The following CTNNA2 variants were observed in gnomAD, a reference collection of about 807,000 sequenced individuals.
The protein encoded by CTNNA2 is catenin alpha-2.
CTNNA2 carries 42 observed loss-of-function variants against 101.0 expected under a neutral mutation model. The observed-to-expected ratio is 0.42, with a 90% CI of 0.32 to 0.54. CTNNA2 has a LOEUF of 0.54. Among genes scored for constraint, CTNNA2 ranks in the 20% least tolerant of loss-of-function variants. The pLI is 0.14. For synonymous variants in CTNNA2, 450 were observed against 456.4 expected, an observed-to-expected ratio of 0.99 and a Z score of 0.18; for missense variants, 871 against 1,223.1, an observed-to-expected ratio of 0.71 and a Z score of 4.29.
At chr2:79,983,738 AT>A (rs1218603971) in intron 7 of CTNNA2, among the ~76,000 whole-genome samples, 1 of 152,220 alleles carries the variant, frequency 6.6e-6, no homozygotes, top group Admixed American at 6.5e-5. Flanking sequence ...AAACTTGAAA[AT>A]AAAAGATTTT....
At chr2:79,932,205 C>A (rs1687494422) in intron 7 of CTNNA2, among the ~76,000 whole-genome samples, 1 of 152,138 alleles carries the variant, frequency 6.6e-6, no homozygotes, top group South Asian at 2.1e-4. Flanking sequence ...GCCCTTCCTC[C>A]CCACACTCTA....
intron 7 of CTNNA2, among the ~76,000 whole-genome samples, chr2:80,377,471 G>C (rs1030373887): frequency 3.3e-5 from 5 of 152,204 alleles, no homozygotes; most frequent in African/African-American, 1.2e-4. Context: ...CTGAGATTCA[G>C]TGAGTTTAGG....
At chr2:80,008,320 T>G (rs1693523100) in intron 7 of CTNNA2, among the ~76,000 whole-genome samples, 1 of 152,176 alleles carries the variant, frequency 6.6e-6, no homozygotes, top group East Asian at 1.9e-4. Context: ...TAAGGAGGAT[T>G]TGGGAGGGAG....
In CTNNA2 at chr2:80,555,722, T is replaced by A; in HGVS notation, c.1570T>A (p.Cys524Ser). 6.4e-7 allele frequency: 1 copy of A among 1,566,094 alleles called. No individual in the cohort carries two copies. Among genetic ancestry groups the A allele is most frequent in the Non-Finnish European group, 8.7e-7 (1 of 1,155,766 alleles). Residue 524 changes from cysteine to serine, a missense_variant, in exon 12 of 19, where the codon TGT becomes AGT. Around this residue, in one of 5 missense-constraint regions of CTNNA2, gnomAD observed 647 missense variants for 831.5 expected, o/e 0.78. Transcript: ENST00000402739. The part of the protein sequence containing the change: ...ENHILEDVNK[C>S]VIALQEGDVD... ...TCACATCTTGGAGGATGTGAACAAG[T>A]GTGTGATAGCCCTCCAAGAGGGCGA...
chr2:80,393,228 A>G lies in CTNNA2; in HGVS notation c.1074A>G (p.Lys358=). Residue 358 remains lysine, a synonymous_variant, in exon 8 of 19, where the codon AAA becomes AAG. Transcript: ENST00000402739. Reference sequence around the variant, plus strand: ...CTTAATAGACTGGAAGGAAAGAAAAAGGAGATCCTCTCAACATTGCGATTG... The same window carrying G: ...CTTAATAGACTGGAAGGAAAGAAAAGGGAGATCCTCTCAACATTGCGATTG... ...EYMNNTGRKE[K]GDPLNIAIDK... is the part of the protein sequence containing the mutation. 6.2e-7 allele frequency: 1 copy of G among 1,608,890 alleles called. No homozygotes were observed. The highest frequency in any genetic ancestry group is 8.5e-7 in the Non-Finnish European group (1 of 1,177,458).
intron 4 of CTNNA2, among the ~76,000 whole-genome samples, chr2:79,478,793 G>A (rs1212103170): frequency 2.0e-5 from 3 of 151,972 alleles, no homozygotes; most frequent in Non-Finnish European, 2.9e-5. Flanking sequence ...TCTCCCTTAC[G>A]ATGCTTGCCT....
At position 79,447,272 on chromosome 2, in the gene CTNNA2, C is replaced by T. The variant is rs983644633; in HGVS notation, c.-134-57782C>T. Among the ~76,000 whole-genome samples the T allele has an allele frequency of 3.9e-5, 6 of 152,026 alleles. No homozygotes were observed. The East Asian group carries it at 1.2e-3, about 30-fold the overall frequency. On this transcript the variant is annotated intron_variant, in intron 4 of 21. Coordinates refer to the CTNNA2 transcript ENST00000466387. ...ACTGACTCAATTATCTCTCCTGTTT[C>T]CTCCAAGCCATCTATAAATGCTCAC... is the stretch of plus-strand genomic sequence containing the variant.
intron 4 of CTNNA2, among the ~76,000 whole-genome samples, chr2:79,859,307 C>A (rs556673564): frequency 1.2e-4 from 19 of 152,042 alleles, no homozygotes; most frequent in African/African-American, 4.6e-4. Context: ...AAATGAATAA[C>A]AAGAGCGTGC....
intron 1 of CTNNA2, chr2:79,514,654 T>G (rs1486158578): frequency 6.6e-6 from 1 of 152,240 alleles, no homozygotes; most frequent in African/African-American, 2.4e-5. Context: ...TGCCTCAGAA[T>G]GTTTAGCATA....
intron 7 of CTNNA2, among the ~76,000 whole-genome samples, chr2:80,202,731 A>T (rs1000011927): frequency 1.7e-4 from 21 of 124,934 alleles, no homozygotes; most frequent in African/African-American, 5.8e-4. Context: ...CAAGAGATTT[A>T]AAAAAAAAAA....
chr2:80,356,766 T>G (rs1226858483), intron 7 of CTNNA2, among the ~76,000 whole-genome samples: 1 of 152,174 alleles, frequency 6.6e-6, no homozygotes. Context: ...CATTCAACAC[T>G]TATCGGTCAG....
At chr2:79,570,514 G>GT (rs1675398849) in intron 1 of CTNNA2, among the ~76,000 whole-genome samples, 3 of 152,022 alleles carry the variant, frequency 2.0e-5, no homozygotes, top group Non-Finnish European at 4.4e-5. Context: ...GAAATTTGCC[G>GT]ATTGTAACCT....
intron 7 of CTNNA2, among the ~76,000 whole-genome samples, chr2:80,215,194 T>C (rs1460777483): frequency 6.6e-6 from 1 of 152,202 alleles, no homozygotes; most frequent in Non-Finnish European, 1.5e-5. Context: ...TTCTTTACAA[T>C]GGGTTAGAAC....
At chr2:80,154,594 G>C (rs1201536204) in intron 7 of CTNNA2, among the ~76,000 whole-genome samples, 1 of 152,146 alleles carries the variant, frequency 6.6e-6, no homozygotes, top group Non-Finnish European at 1.5e-5. Flanking sequence ...AGTGTTCTAG[G>C]CCTGTATGGG....
intron 7 of CTNNA2, among the ~76,000 whole-genome samples, chr2:80,339,067 AAAGATGAATCTCCATGG>A (rs1671998865): frequency 6.6e-6 from 1 of 152,188 alleles, no homozygotes; most frequent in Admixed American, 6.5e-5. Flanking sequence ...CAGTAGCTGA[AAAGATGAATCTCCATGG>A]AAGTGTGTAT....
chr2:79,200,986 A>C (rs1209579995), intron 2 of CTNNA2, among the ~76,000 whole-genome samples: 1 of 152,196 alleles, frequency 6.6e-6, no homozygotes, highest in Admixed American at 6.5e-5. Flanking sequence ...ATGAAACTAC[A>C]ATGTGGGGCA....
chr2:80,499,329 T>C (rs1350453072), intron 9 of CTNNA2, among the ~76,000 whole-genome samples: 1 of 152,182 alleles, frequency 6.6e-6, no homozygotes, highest in Non-Finnish European at 1.5e-5. Flanking sequence ...GTGAACTTAG[T>C]GGATGTATGC....
chr2:79,993,440 C>T (rs140416516), intron 7 of CTNNA2, among the ~76,000 whole-genome samples: 46 of 152,306 alleles, frequency 3.0e-4, no homozygotes, highest in Middle Eastern at 3.4e-3. Context: ...GAATGGAAAC[C>T]TTGCCAGGAG....
chr2:80,389,472 C>T (rs1279943002), intron 7 of CTNNA2, among the ~76,000 whole-genome samples: 2 of 152,074 alleles, frequency 1.3e-5, no homozygotes, highest in African/African-American at 4.8e-5. Flanking sequence ...CCTCTTTCTC[C>T]CTCTCCGTCT....
Sources: allele counts gnomAD v4.1 joint callset (sites outside exome capture counted in the v4.1 genomes callset), GRCh38; gene constraint gnomAD v4.1.1; regional missense constraint gnomAD v4.1.1; transcripts MANE v1.5; gene names NCBI Gene and HGNC (gene_info 2026-07-23, HGNC 2026-07-21).